The following FOXN1 variants were observed in gnomAD, a reference collection of about 807,000 sequenced individuals.
FOXN1 encodes forkhead box N1.
In FOXN1, 15 loss-of-function variants were observed where a neutral mutation model predicts 49.0. The observed-to-expected ratio is 0.31, with a 90% CI of 0.20 to 0.47. The LOEUF (loss-of-function observed/expected upper bound fraction) is 0.47, where lower values mean the gene tolerates loss of function less well. Among genes scored for constraint, FOXN1 ranks in the 20% least tolerant of loss-of-function variants. The pLI is 1.00. For missense variants in FOXN1, 800 were observed against 842.8 expected (o/e 0.95, Z 0.63); for synonymous variants, 356 against 369.0 (o/e 0.96, Z 0.40).
In FOXN1 at chr17:28,538,038, T is replaced by A. The variant is rs971301808; in HGVS notation, c.*602T>A. ...AAGGAGGAGACAGAGAGCTCCTCCC[T>A]GGGTTGTCTGTGGACCCCCCCAGGA... On this transcript the variant is annotated 3_prime_UTR_variant, in exon 9 of 9. Coordinates refer to ENST00000579795, the MANE Select transcript of FOXN1 (RefSeq NM_001369369.1). The A allele has an allele frequency of 6.2e-6, 1 of 161,138 alleles. No homozygotes were observed. The highest frequency in any genetic ancestry group is 1.4e-5 in the Non-Finnish European group (1 of 72,964). 10.0% of individuals were successfully genotyped at this position (161,138 alleles called of 1,614,324 possible).
chr17:28,517,906 T>G (rs2069558475), intron 1 of FOXN1, among the ~76,000 whole-genome samples: 1 of 145,172 alleles, frequency 6.9e-6, no homozygotes, highest in Non-Finnish European at 1.5e-5. Context: ...GATCCATACC[T>G]CCACAGGGTA....
chr17:28,528,731 G>T (rs1325719273), intron 4 of FOXN1, among the ~76,000 whole-genome samples: 1 of 152,214 alleles, frequency 6.6e-6, no homozygotes, highest in Non-Finnish European at 1.5e-5. Flanking sequence ...CCTGCTTCCG[G>T]CCCAGCTGCT....
At chr17:28,513,259 A>G (rs1485762811) in intron 1 of FOXN1, among the ~76,000 whole-genome samples, 1 of 152,210 alleles carries the variant, frequency 6.6e-6, no homozygotes, top group Non-Finnish European at 1.5e-5. Flanking sequence ...ACAGAGTGAG[A>G]CTTTGTCTCA....
rs200878770 is a variant in FOXN1, at chr17:28,534,961, C to G, written c.1390C>G (p.Pro464Ala). The stretch of plus-strand genomic sequence containing the variant: ...CTTGCACCTCTCACCAGGCCTGGCC[C>G]CTCCTGGACCCCCGCAGCCATTGTT... The part of the protein sequence containing the change: ...TYLHLSPGLA[P>A]PGPPQPLFPQ... The change falls in exon 8 of 9, where the codon CCT becomes GCT. Residue 464 changes from proline (P) to alanine (A), a missense_variant. Around this residue, in one of 3 missense-constraint regions of FOXN1, gnomAD observed 344 missense variants for 366.1 expected, o/e 0.94. Transcript: ENST00000579795. The surrounding 1 kb of genome is among the most constrained non-coding windows in gnomAD (Gnocchi z 4.1). 1.2e-6 allele frequency: 2 copies of G among 1,614,076 alleles called. No individual in the cohort carries two copies. Among genetic ancestry groups the G allele is most frequent in the Admixed American group, 3.3e-5 (2 of 60,028 alleles).
rs745708044 is a variant in FOXN1, at chr17:28,534,947, C to A, written c.1376C>A (p.Ser459Ter). 6.2e-7 allele frequency: 1 copy of A among 1,614,116 alleles called. No individual in the cohort carries two copies. The highest frequency in any genetic ancestry group is 8.5e-7 in the Non-Finnish European group (1 of 1,180,000). The change falls in exon 8 of 9, where the codon TCA becomes TAA. Residue 459 changes from serine to a stop codon, truncating the protein, a stop_gained. Coordinates refer to ENST00000579795, the MANE Select transcript of FOXN1 (RefSeq NM_001369369.1). LOFTEE classifies it high-confidence loss of function. The surrounding 1 kb of genome is among the most constrained non-coding windows in gnomAD (Gnocchi z 4.1). ...TATGGGCAGACATACTTGCACCTCTCACCAGGCCTGGCCCCTCCTGGACCC... is the reference window on the plus strand; with the variant it reads ...TATGGGCAGACATACTTGCACCTCTAACCAGGCCTGGCCCCTCCTGGACCC... ...SCYGQTYLHL[S>*]PGLAPPGPPQ...
rs957199100 is a variant in FOXN1 at position 28,537,194 on chromosome 17, T to A, written c.1705T>A (p.Ser569Thr). Reference protein sequence around the residue: ...LVLVTSSPTSSSMPPPQPPPH... With the variant: ...LVLVTSSPTSTSMPPPQPPPH... ...ACTGGTGACCTCATCCCCGACATCA[T>A]CTTCGATGCCACCACCCCAGCCACC... Residue 569 changes from serine (S) to threonine (T), a missense_variant, in exon 9 of 9, where the codon TCT (serine) becomes ACT (threonine). Physicochemically the swap from Ser to Thr is moderately conservative, Grantham distance 58. This residue lies in a region of FOXN1 where 344 missense variants were observed against 366.1 expected (regional missense o/e 0.94). Transcript: ENST00000579795. The A allele has an allele frequency of 1.9e-5, 31 of 1,613,736 alleles. No homozygotes were observed. Among genetic ancestry groups the A allele is most frequent in the Non-Finnish European group, 2.5e-5 (30 of 1,179,838 alleles).
rs777694363 is a variant in FOXN1 at position 28,530,856 on chromosome 17, G to C, written c.927+11G>C. 1.3e-6 allele frequency: 2 copies of C among 1,483,196 alleles called. No individual in the cohort carries two copies. The highest frequency in any genetic ancestry group is 1.9e-6 in the Non-Finnish European group (2 of 1,060,392). The allele number at this position is 1,483,196 out of a possible 1,614,324, so 91.9% of individuals were successfully genotyped here. ...TTTCCTTACTTCAAGGTGAGCCCAA[G>C]ATTCCTCCCCATCCCATCACCCCCA... is the stretch of plus-strand genomic sequence containing the variant. On this transcript the variant is annotated intron_variant, in intron 6 of 8. Coordinates refer to ENST00000579795, the MANE Select transcript of FOXN1 (RefSeq NM_001369369.1).
At chr17:28,515,552 A>G (rs1380845316) in intron 1 of FOXN1, among the ~76,000 whole-genome samples, 1 of 151,496 alleles carries the variant, frequency 6.6e-6, no homozygotes, top group East Asian at 1.9e-4. Context: ...CATGTGGTAC[A>G]TGCTTCTACA....
intron 3 of FOXN1, among the ~76,000 whole-genome samples, chr17:28,526,530 C>T (rs918051780): frequency 3.3e-5 from 5 of 152,240 alleles, no homozygotes; most frequent in African/African-American, 1.2e-4. Flanking sequence ...CGGCCTCTCA[C>T]ACATGGGAAG....
At chr17:28,515,728 C>A (rs1040891239) in intron 1 of FOXN1, among the ~76,000 whole-genome samples, 1 of 151,758 alleles carries the variant, frequency 6.6e-6, no homozygotes, top group Admixed American at 6.6e-5. Flanking sequence ...CAGGTATACA[C>A]CCCTCCACAA....
intron 8 of FOXN1, among the ~76,000 whole-genome samples, chr17:28,535,899 G>T (rs1432100617): frequency 6.6e-6 from 1 of 152,224 alleles, no homozygotes; most frequent in Non-Finnish European, 1.5e-5. Context: ...GAAGGAGAGA[G>T]ACTCTACCCT....
In FOXN1 at chr17:28,529,094, T is replaced by C; in HGVS notation, c.700T>C (p.Tyr234His). 2 of 1,614,082 alleles carry C rather than the reference T, an allele frequency of 1.2e-6. No homozygotes were observed. The highest frequency in any genetic ancestry group is 1.6e-4 in the Middle Eastern group (1 of 6,062). ...YCSSQPPFHQ[Y>H]SPGGGSYPIP... The stretch of plus-strand genomic sequence containing the variant: ...ACTCTGCCCCTTTTGACCTCCTCAG[T>C]ACTCGCCAGGTGGTGGCAGCTACCC... The change falls in exon 5 of 9, where the codon TAC becomes CAC. Residue 234 changes from tyrosine to histidine, a missense_variant and splice_region_variant. Tyr to His is a moderately conservative substitution (Grantham distance 83). Coordinates refer to ENST00000579795, the MANE Select transcript of FOXN1 (RefSeq NM_001369369.1).
chr17:28,516,144 A>G (rs937328832), intron 1 of FOXN1, among the ~76,000 whole-genome samples: 3 of 150,260 alleles, frequency 2.0e-5, no homozygotes, highest in African/African-American at 7.4e-5. Context: ...TCCACAGGGT[A>G]CACATCTCCA....
chr17:28,513,565 C>G (rs1233665455), intron 1 of FOXN1, among the ~76,000 whole-genome samples: 1 of 152,242 alleles, frequency 6.6e-6, no homozygotes, highest in Non-Finnish European at 1.5e-5. Flanking sequence ...CTCTAGTTGG[C>G]CTCCCCAGGG....
rs1461568196 is a variant in FOXN1, at chr17:28,534,552, G to C, written c.1135+14G>C. 6.2e-7 allele frequency: 1 copy of C among 1,612,110 alleles called. No homozygotes were observed. ...TGGCCAAGCCAGGTGAGGCCGGCCGGGCCACGCAAGGAAGGGCCCAGGGTA... is the reference window on the plus strand; with the variant it reads ...TGGCCAAGCCAGGTGAGGCCGGCCGCGCCACGCAAGGAAGGGCCCAGGGTA... On this transcript the variant is annotated intron_variant, in intron 7 of 8. Coordinates refer to ENST00000579795, the MANE Select transcript of FOXN1 (RefSeq NM_001369369.1). This position sits in a 1 kb window ranked among gnomAD's most constrained non-coding sequence, Gnocchi z 4.1.
chr17:28,524,575 C>A lies in FOXN1; in HGVS notation c.196C>A (p.His66Asn). 6.2e-7 allele frequency: 1 copy of A among 1,613,704 alleles called. No individual in the cohort carries two copies. Among genetic ancestry groups the A allele is most frequent in the South Asian group, 1.1e-5 (1 of 91,086 alleles). The change falls in exon 3 of 9, where the codon CAC (histidine) becomes AAC (asparagine). Residue 66 changes from histidine (H) to asparagine (N), a missense_variant. Physicochemically the swap from His to Asn is moderately conservative, Grantham distance 68. This residue lies in a region of FOXN1 where 383 missense variants were observed against 357.9 expected (regional missense o/e 1.07). Coordinates refer to ENST00000579795, the MANE Select transcript of FOXN1 (RefSeq NM_001369369.1). Reference sequence around the variant, plus strand: ...AGAGAGGACACCCTCACTGCCCCCACACAGCCCCCGCATTGCGTCACCAGG... The same window carrying A: ...AGAGAGGACACCCTCACTGCCCCCAAACAGCCCCCGCATTGCGTCACCAGG... Reference protein sequence around the residue: ...PPERTPSLPPHSPRIASPGPE... With the variant: ...PPERTPSLPPNSPRIASPGPE...
rs765583497 is a variant in FOXN1 at position 28,524,535 on chromosome 17, G to A, written c.156G>A (p.Val52=). 7.4e-6 allele frequency: 12 copies of A among 1,613,638 alleles called. No homozygotes were observed. In the South Asian group the frequency reaches 1.1e-4, roughly 15 times the overall value. ...CCGGCTTCAGCTGCTCGTCATTTGT[G>A]TCCGACGGCCCTCCAGAGAGGACAC... is the stretch of plus-strand genomic sequence containing the variant. The part of the protein sequence containing the change: ...KHAGFSCSSF[V]SDGPPERTPS... The change falls in exon 3 of 9, where the codon GTG becomes GTA. Residue 52 remains valine (V), a synonymous_variant. Coordinates refer to ENST00000579795, the MANE Select transcript of FOXN1 (RefSeq NM_001369369.1).
At chr17:28,507,247 A>C (rs1486232851) in intron 1 of FOXN1, among the ~76,000 whole-genome samples, 1 of 150,526 alleles carries the variant, frequency 6.6e-6, no homozygotes, top group East Asian at 2.0e-4. Context: ...AGCTCCCCCG[A>C]CTCCTCCCCA....
chr17:28,510,469 C>T (rs1327318334), intron 1 of FOXN1, among the ~76,000 whole-genome samples: 1 of 151,674 alleles, frequency 6.6e-6, no homozygotes, highest in Non-Finnish European at 1.5e-5. Flanking sequence ...AGTTGGAGGT[C>T]CCACTTACAC....
Sources: allele counts gnomAD v4.1 joint callset (sites outside exome capture counted in the v4.1 genomes callset), GRCh38; gene constraint gnomAD v4.1.1; regional missense constraint gnomAD v4.1.1; non-coding constraint Gnocchi (gnomAD v3.1); transcripts MANE v1.5; gene names NCBI Gene and HGNC (gene_info 2026-07-23, HGNC 2026-07-21).